PARD3B: variants seen among roughly 807,000 people sequenced by gnomAD.
PARD3B encodes the protein par-3 family cell polarity regulator beta, also known as partitioning defective 3 homolog B.
Under a neutral mutation model 130.2 loss-of-function variants are expected in PARD3B, and 103 were observed. The ratio of observed to expected loss-of-function variants is 0.79; its 90% CI spans 0.67 to 0.93. PARD3B has a LOEUF of 0.93. Among genes scored for constraint, PARD3B ranks in the 40% least tolerant of loss-of-function variants. PARD3B has a pLI of 0.00. For missense variants in PARD3B, 1,609 were observed against 1,499.2 expected (o/e 1.07, Z -1.21); for synonymous variants, 583 against 553.2 (o/e 1.05, Z -0.76).
Position 205,468,129 on chromosome 2 carries a change from A to G in PARD3B, c.3044+27457A>G, listed in dbSNP as rs140238873. ...AAAACAATGATCTAGCTTAGCTTAC[A>G]AGGCTTCTTTTTCCTTTAGACATAG... On this transcript the variant is annotated intron_variant, in intron 20 of 22. Transcript: ENST00000406610. Among the ~76,000 whole-genome samples, 3 of 152,298 alleles carry G rather than the reference A, an allele frequency of 2.0e-5. No individual in the cohort carries two copies. The East Asian group carries it at 5.8e-4, about 29-fold the overall frequency.
At chr2:204,892,701 G>A (rs2046494646) in intron 2 of PARD3B, among the ~76,000 whole-genome samples, 1 of 152,160 alleles carries the variant, frequency 6.6e-6, no homozygotes, top group South Asian at 2.1e-4. Context: ...CAGATTCTGG[G>A]TGTATTGTGA....
In PARD3B at chr2:205,172,386, T is replaced by G. The variant is rs2035224083; in HGVS notation, c.1791+5T>G. On this transcript the variant is annotated splice_donor_5th_base_variant and intron_variant, in intron 12 of 22. Transcript: ENST00000406610. ...AGGCCAGAGAGACCAATGGAGGTGATGCAAATCTTGATTCTCCTCAGCCAG... is the reference window on the plus strand; with the variant it reads ...AGGCCAGAGAGACCAATGGAGGTGAGGCAAATCTTGATTCTCCTCAGCCAG... 3.1e-6 allele frequency: 5 copies of G among 1,611,164 alleles called. No homozygotes were observed. The highest frequency in any genetic ancestry group is 4.2e-6 in the Non-Finnish European group (5 of 1,178,084).
intron 20 of PARD3B, among the ~76,000 whole-genome samples, chr2:205,484,783 A>T (rs1336452861): frequency 6.6e-6 from 1 of 152,192 alleles, no homozygotes; most frequent in Non-Finnish European, 1.5e-5. Flanking sequence ...ATACTCAATT[A>T]TTCCCCACAC....
At chr2:204,602,909 A>G (rs563254867) in intron 1 of PARD3B, among the ~76,000 whole-genome samples, 47 of 152,274 alleles carry the variant, frequency 3.1e-4, no homozygotes, top group African/African-American at 1.1e-3. Flanking sequence ...CTATATTGCC[A>G]TATTGACCAA....
Position 204,730,588 on chromosome 2 carries a change from A to AAG in PARD3B, c.222+44307_222+44308insGA, listed in dbSNP as rs1025796327. 3.3e-5 allele frequency among the ~76,000 whole-genome samples: 5 copies of AAG among 151,798 alleles called. No individual in the cohort carries two copies. The East Asian group carries it at 9.7e-4, about 29-fold the overall frequency. On this transcript the variant is annotated intron_variant, in intron 2 of 22. Coordinates refer to ENST00000406610, the MANE Select transcript of PARD3B (RefSeq NM_001302769.2). ...GATGCAGGGGTAAAAAAAAAAAGAA[A>AAG]AAAAAAAAAAGTAGTGGGAAGGCCT... is the stretch of plus-strand genomic sequence containing the variant.
At chr2:205,445,061 G>T (rs185275035) in intron 20 of PARD3B, among the ~76,000 whole-genome samples, 1 of 152,262 alleles carries the variant, frequency 6.6e-6, no homozygotes, top group Non-Finnish European at 1.5e-5. Context: ...TTGCAGCTTT[G>T]AAGTTCCTTC....
intron 11 of PARD3B, among the ~76,000 whole-genome samples, chr2:205,169,609 C>G (rs904018983): frequency 6.6e-6 from 1 of 152,106 alleles, no homozygotes; most frequent in Non-Finnish European, 1.5e-5. Flanking sequence ...TCCCATAAAG[C>G]TTCCATCTTT....
intron 3 of PARD3B, among the ~76,000 whole-genome samples, chr2:205,005,263 G>A (rs921194407): frequency 6.6e-6 from 1 of 152,110 alleles, no homozygotes; most frequent in African/African-American, 2.4e-5. Context: ...AATAATATAA[G>A]TGTGAAGTAT....
At chr2:204,742,745 AC>A (rs2040060910) in intron 2 of PARD3B, among the ~76,000 whole-genome samples, 1 of 152,196 alleles carries the variant, frequency 6.6e-6, no homozygotes, top group Non-Finnish European at 1.5e-5. Context: ...ATTGTCACAG[AC>A]TTAATTATAA....
intron 16 of PARD3B, among the ~76,000 whole-genome samples, chr2:205,297,932 T>C (rs1473791286): frequency 6.6e-6 from 1 of 152,202 alleles, no homozygotes; most frequent in Non-Finnish European, 1.5e-5. Context: ...TCTTGCAAAA[T>C]CCATGAATCC....
chr2:204,772,086 T>C (rs935398330), intron 2 of PARD3B, among the ~76,000 whole-genome samples: 10 of 152,198 alleles, frequency 6.6e-5, no homozygotes, highest in African/African-American at 2.2e-4. Context: ...AAGAAGTTCA[T>C]TTTGAATATG....
At chr2:204,550,248 C>A (rs1037911598) in intron 1 of PARD3B, among the ~76,000 whole-genome samples, 1 of 152,132 alleles carries the variant, frequency 6.6e-6, no homozygotes, top group South Asian at 2.1e-4. Context: ...ATACCTAATA[C>A]AATGTAAAAG....
At chr2:204,777,899 G>T (rs1357700778) in intron 2 of PARD3B, among the ~76,000 whole-genome samples, 1 of 152,108 alleles carries the variant, frequency 6.6e-6, no homozygotes. Flanking sequence ...TCCCCATTCT[G>T]TTCTCATGAT....
rs1025605417 is a variant in PARD3B at position 205,413,435 on chromosome 2, C to T, written c.2741+12312C>T. 3.3e-5 allele frequency among the ~76,000 whole-genome samples: 5 copies of T among 152,102 alleles called. No individual in the cohort carries two copies. In the South Asian group the frequency reaches 1.0e-3, roughly 32 times the overall value. On this transcript the variant is annotated intron_variant, in intron 19 of 22. Coordinates refer to ENST00000406610, the MANE Select transcript of PARD3B (RefSeq NM_001302769.2). ...AATACATTATGTTTCACAGAATAGG[C>T]ACTCAATAAGTAGTTGCTGAATAAT...
chr2:204,686,629 C>T (rs2037099443), intron 2 of PARD3B, among the ~76,000 whole-genome samples: 3 of 152,246 alleles, frequency 2.0e-5, no homozygotes, highest in Non-Finnish European at 2.9e-5. Context: ...CAACTAAATG[C>T]CTGAGGCGTG....
intron 3 of PARD3B, among the ~76,000 whole-genome samples, chr2:204,983,202 T>C (rs1185830322): frequency 6.6e-6 from 1 of 152,214 alleles, no homozygotes; most frequent in African/African-American, 2.4e-5. Context: ...TTGGGCCTGA[T>C]AATTTGCAGA....
rs1559205601 is a variant in PARD3B, at chr2:205,550,050, TG to T, written c.3181-3273del. On this transcript the variant is annotated intron_variant, in intron 21 of 22. Transcript: ENST00000406610. The surrounding 1 kb of genome is among the most constrained non-coding windows in gnomAD (Gnocchi z 4.5). ...TAGTAGTATTCTTTTCTTCATACCT[TG>T]TTTCTACCTTTGCAAAATCTTCAAA... Among the ~76,000 whole-genome samples, 3 of 152,182 alleles carry T rather than the reference TG, an allele frequency of 2.0e-5. No individual in the cohort carries two copies. The highest frequency in any genetic ancestry group is 2.1e-4 in the South Asian group (1 of 4,830).
At chr2:205,534,838 T>C (rs1022613377) in intron 21 of PARD3B, among the ~76,000 whole-genome samples, 2 of 152,190 alleles carry the variant, frequency 1.3e-5, no homozygotes, top group African/African-American at 4.8e-5. Flanking sequence ...GTATTCCTCA[T>C]GCTTAGAAAA....
chr2:204,749,538 T>C (rs2040378945), intron 2 of PARD3B, among the ~76,000 whole-genome samples: 1 of 152,190 alleles, frequency 6.6e-6, no homozygotes. Context: ...TTGACTCATA[T>C]CTAATGAGAG....
Sources: allele counts gnomAD v4.1 joint callset (sites outside exome capture counted in the v4.1 genomes callset), GRCh38; gene constraint gnomAD v4.1.1; non-coding constraint Gnocchi (gnomAD v3.1); transcripts MANE v1.5; gene names NCBI Gene and HGNC (gene_info 2026-07-23, HGNC 2026-07-21).